IGF2: variants seen among roughly 807,000 people sequenced by gnomAD.
IGF2 encodes the protein insulin-like growth factor 2.
IGF2 carries 2 observed loss-of-function variants against 12.0 expected under a neutral mutation model. The ratio of observed to expected loss-of-function variants is 0.17; its 90% confidence interval spans 0.07 to 0.52. The LOEUF is 0.52. Ranked by LOEUF, IGF2 falls within the 20% of genes least tolerant of loss-of-function variation. The pLI is 0.95. For synonymous variants in IGF2, 105 were observed against 110.1 expected (o/e 0.95, Z 0.29); for missense variants, 211 against 268.0 (o/e 0.79, Z 1.48).
chr11:2,140,860 G>A (rs758219280), upstream of IGF2: 10 of 350,994 alleles, frequency 2.8e-5, no homozygotes, highest in Non-Finnish European at 5.5e-6. Context: ...AGCTCACCGC[G>A]AAGCTGGAGG....
In IGF2 at chr11:2,133,252, T is replaced by A. The variant is rs765838787; in HGVS notation, c.307-29A>T. 1 of 1,430,618 alleles carries A rather than the reference T, an allele frequency of 7.0e-7. No individual in the cohort carries two copies. Among genetic ancestry groups the A allele is most frequent in the Non-Finnish European group, 9.5e-7 (1 of 1,053,830 alleles). 88.6% of individuals were successfully genotyped at this position (1,430,618 alleles called of 1,614,324 possible). On this transcript the variant is annotated intron_variant, in intron 3 of 3. Coordinates refer to ENST00000416167, the MANE Select transcript of IGF2 (RefSeq NM_000612.6). The surrounding 1 kb of genome is among the most constrained non-coding windows in gnomAD (Gnocchi z 8.9). ...GGAGGGGAAGGGGCTGGTCAGCAGGTGCCTGCTCTCCACGCTCTTCCGCCT... is the reference window on the plus strand; with the variant it reads ...GGAGGGGAAGGGGCTGGTCAGCAGGAGCCTGCTCTCCACGCTCTTCCGCCT...
Position 2,131,076 on chromosome 11 carries a change from G to C in IGF2, c.*1911C>G. On this transcript the variant is annotated 3_prime_UTR_variant, in exon 4 of 4. Coordinates refer to ENST00000416167, the MANE Select transcript of IGF2 (RefSeq NM_000612.6). ...GTATCGGGAATGGGTGGGGTATGGG[G>C]AGCATCGTGGCTCACGCTGCGGGGG... 4.3e-6 allele frequency: 1 copy of C among 232,670 alleles called. No homozygotes were observed. Among genetic ancestry groups the C allele is most frequent in the Non-Finnish European group, 8.5e-6 (1 of 117,750 alleles). The allele number at this position is 232,670 out of a possible 1,614,324, so 14.4% of individuals were successfully genotyped here. A position where few individuals can be genotyped will look rare whatever the true frequency, so the allele number is the denominator to read the frequency against.
the IGF2 span, chr11:2,146,550 G>A: frequency 2.6e-6 from 1 of 382,528 alleles, no homozygotes; most frequent in Non-Finnish European, 5.3e-6. Context: ...TATGGGTCCA[G>A]GTTGGGGTGC....
At chr11:2,142,752 A>G (rs1469497731), upstream of IGF2, among the ~76,000 whole-genome samples, 1 of 152,224 alleles carries the variant, frequency 6.6e-6, no homozygotes, top group Non-Finnish European at 1.5e-5. The surrounding 1 kb of genome is among the most constrained non-coding windows in gnomAD (Gnocchi z 5.7). Flanking sequence ...AGTGCTCGGA[A>G]TGTTTGGGAA....
At chr11:2,139,546 G>A (rs1041908749), upstream of IGF2, among the ~76,000 whole-genome samples, 2 of 140,422 alleles carry the variant, frequency 1.4e-5, no homozygotes, top group Non-Finnish European at 3.1e-5. Flanking sequence ...AGAGCGGGGC[G>A]GGGGGTGCGG....
rs1285887885 is a variant in IGF2 at position 2,130,205 on chromosome 11, GC to G, written c.*2781del. On this transcript the variant is annotated 3_prime_UTR_variant, in exon 4 of 4. Transcript: ENST00000416167. ...CCGGCCAGCCTCAGGCCAGCCAGGAGCCCCCTCCTGTGGCCTCCGAGCACCC... is the reference window on the plus strand; with the variant it reads ...CCGGCCAGCCTCAGGCCAGCCAGGAGCCCCTCCTGTGGCCTCCGAGCACCC... The G allele has an allele frequency of 4.3e-6, 1 of 231,162 alleles. No homozygotes were observed. The highest frequency in any genetic ancestry group is 8.6e-6 in the Non-Finnish European group (1 of 116,930). 14.3% of individuals were successfully genotyped at this position (231,162 alleles called of 1,614,324 possible).
chr11:2,146,797 G>A, the IGF2 span: 19 of 208,522 alleles, frequency 9.1e-5, no homozygotes, highest in Non-Finnish European at 1.4e-4. Flanking sequence ...CAGCTCCAAC[G>A]CTCCCCAAGT....
At chr11:2,146,198 C>T, upstream of IGF2, 1 of 520,590 alleles carries the variant, frequency 1.9e-6, no homozygotes, top group Non-Finnish European at 3.9e-6. Flanking sequence ...CATCCCCTCG[C>T]TCACCAGCCC....
At chr11:2,135,314 C>A (rs571452406) in intron 2 of IGF2, 53 bp downstream of exon 2, 1 of 1,464,116 alleles carries the variant, frequency 6.8e-7, no homozygotes, top group Non-Finnish European at 9.2e-7. Context: ...GCGTCCTCAC[C>A]GGTCACTCTA....
At chr11:2,136,312 G>T (rs1189121030) in intron 1 of IGF2, among the ~76,000 whole-genome samples, 1 of 152,248 alleles carries the variant, frequency 6.6e-6, no homozygotes, top group Non-Finnish European at 1.5e-5. Flanking sequence ...AATCGAACCA[G>T]TAAGGCCAGG....
chr11:2,139,988 G>T (rs1054202456), upstream of IGF2: 16 of 641,292 alleles, frequency 2.5e-5, no homozygotes, highest in African/African-American at 2.1e-4. Context: ...CCCCGGTGCC[G>T]CGCCGGAGCC....
upstream of IGF2, among the ~76,000 whole-genome samples, chr11:2,141,692 G>A (rs1282664959): frequency 6.6e-6 from 1 of 152,170 alleles, no homozygotes; most frequent in East Asian, 1.9e-4. Flanking sequence ...CTGGACGCTG[G>A]CAGCAGCCGG....
the IGF2 span, chr11:2,148,888 TC>T: frequency 3.5e-6 from 2 of 566,634 alleles, no homozygotes; most frequent in Non-Finnish European, 3.1e-6. The surrounding 1 kb of genome is among the most constrained non-coding windows in gnomAD (Gnocchi z 4.3). Context: ...TGCAAAAGCC[TC>T]AGTGGCTTTG....
At chr11:2,143,300 G>T (rs1462553209), upstream of IGF2, among the ~76,000 whole-genome samples, 1 of 150,092 alleles carries the variant, frequency 6.7e-6, no homozygotes, top group Non-Finnish European at 1.5e-5. Flanking sequence ...GAATAGATTT[G>T]CGGGACCCAA....
At chr11:2,140,486 C>T, upstream of IGF2, 1 of 591,790 alleles carries the variant, frequency 1.7e-6, no homozygotes, top group South Asian at 2.0e-5. Flanking sequence ...ACTTCGCCCG[C>T]GCTCCGCGCG....
chr11:2,141,969 G>GTCCC (rs1360713482), upstream of IGF2, among the ~76,000 whole-genome samples: 4 of 152,210 alleles, frequency 2.6e-5, no homozygotes, highest in African/African-American at 7.2e-5. Flanking sequence ...GAGCCCCAGT[G>GTCCC]AAACACATTT....
upstream of IGF2, among the ~76,000 whole-genome samples, chr11:2,145,987 C>A (rs1859906395): frequency 6.6e-6 from 1 of 152,068 alleles, no homozygotes; most frequent in Non-Finnish European, 1.5e-5. Context: ...GGGTCTCCTC[C>A]CACCCAGAGC....
At chr11:2,143,609 G>A (rs1265836289), upstream of IGF2, among the ~76,000 whole-genome samples, 1 of 152,104 alleles carries the variant, frequency 6.6e-6, no homozygotes, top group Non-Finnish European at 1.5e-5. Flanking sequence ...CCTGGAGGGG[G>A]TGTATAAAAC....
chr11:2,140,460 C>T (rs1859490599), upstream of IGF2: 5 of 640,078 alleles, frequency 7.8e-6, no homozygotes, highest in Non-Finnish European at 1.3e-5. Flanking sequence ...TCGCCCCCCT[C>T]GCTCCGCCAT....
Sources: allele counts gnomAD v4.1 joint callset (sites outside exome capture counted in the v4.1 genomes callset), GRCh38; gene constraint gnomAD v4.1.1; non-coding constraint Gnocchi (gnomAD v3.1); transcripts MANE v1.5; gene names NCBI Gene and HGNC (gene_info 2026-07-23, HGNC 2026-07-21).